The following CTBP2 variants were observed in gnomAD, a reference collection of about 807,000 sequenced individuals.
The protein encoded by CTBP2 is C-terminal binding protein 2.
In CTBP2, 30 loss-of-function variants were observed where a neutral mutation model predicts 80.3. The observed-to-expected ratio is 0.37, with a 90% CI of 0.28 to 0.51. The LOEUF (loss-of-function observed/expected upper bound fraction) is 0.51. Ranked by LOEUF, CTBP2 falls within the 20% of genes least tolerant of loss-of-function variation. The pLI is 0.93. For missense variants in CTBP2, 1,212 were observed against 1,375.3 expected, an observed-to-expected ratio of 0.88 and a Z score of 1.88; for synonymous variants, 594 against 587.4, an observed-to-expected ratio of 1.01 and a Z score of -0.16.
chr10:125,131,700 C>T (rs185596856), intron 1 of CTBP2, among the ~76,000 whole-genome samples: 3 of 152,188 alleles, frequency 2.0e-5, no homozygotes, highest in Non-Finnish European at 4.4e-5. Flanking sequence ...GAACATCAGG[C>T]TCATGTTCCT....
In CTBP2 at chr10:124,986,687, A is replaced by G. The variant is rs1303493692; in HGVS notation, c.*2831T>C. Reference sequence around the variant, plus strand: ...TTGCTTTCATTTTGGCCAATAAGTAATCAAGTTTGTAGAAAATGTTAGCAT... The same window carrying G: ...TTGCTTTCATTTTGGCCAATAAGTAGTCAAGTTTGTAGAAAATGTTAGCAT... On this transcript the variant is annotated 3_prime_UTR_variant, in exon 9 of 9. Transcript: ENST00000309035. 1.3e-5 allele frequency: 2 copies of G among 152,150 alleles called. No individual in the cohort carries two copies. Among genetic ancestry groups the G allele is most frequent in the African/African-American group, 2.4e-5 (1 of 41,420 alleles). 9.4% of individuals were successfully genotyped at this position (152,150 alleles called of 1,614,324 possible). A position where few individuals can be genotyped will look rare whatever the true frequency, so the allele number is the denominator to read the frequency against.
At chr10:125,107,029 A>G (rs988535593) in intron 2 of CTBP2, among the ~76,000 whole-genome samples, 1 of 152,214 alleles carries the variant, frequency 6.6e-6, no homozygotes, top group African/African-American at 2.4e-5. Context: ...CAAACACTGA[A>G]TCAATGCCTC....
At chr10:125,129,695 G>C (rs983867049) in intron 1 of CTBP2, among the ~76,000 whole-genome samples, 1 of 152,164 alleles carries the variant, frequency 6.6e-6, no homozygotes, top group African/African-American at 2.4e-5. Flanking sequence ...ACCTCAGCTG[G>C]GAACATTTTA....
chr10:124,998,211 A>C (rs770701982), intron 3 of CTBP2, 41 bp from the exon 6 acceptor site: 6 of 1,563,624 alleles, frequency 3.8e-6, no homozygotes, highest in Non-Finnish European at 5.2e-6. Flanking sequence ...AGAAAACCTC[A>C]AGATCAGTGG....
At chr10:125,046,395 A>G (rs7095721) in intron 2 of CTBP2, among the ~76,000 whole-genome samples, 42,571 of 151,792 alleles carry the variant, frequency 0.28, 6,316 homozygotes, top group Admixed American at 0.36. Flanking sequence ...AAAATTAGCC[A>G]GGCATGGTGG....
At chr10:124,997,305 A>AG (rs1953751724) in intron 4 of CTBP2, 1 of 152,380 alleles carries the variant, frequency 6.6e-6, no homozygotes, top group Middle Eastern at 3.2e-3. Flanking sequence ...CAATGGGCCG[A>AG]GGTCTCCTGG....
intron 2 of CTBP2, among the ~76,000 whole-genome samples, chr10:125,065,653 C>T (rs1564837035): frequency 6.6e-6 from 1 of 152,180 alleles, no homozygotes; most frequent in African/African-American, 2.4e-5. Context: ...AGGAGGGACT[C>T]ACTGTAGGAG....
At chr10:125,084,916 T>A (rs1847754551) in intron 2 of CTBP2, among the ~76,000 whole-genome samples, 1 of 152,186 alleles carries the variant, frequency 6.6e-6, no homozygotes, top group African/African-American at 2.4e-5. Context: ...AGTTCCGCCG[T>A]CGCCACGTCA....
chr10:125,120,185 G>A (rs542061579), intron 1 of CTBP2, among the ~76,000 whole-genome samples: 64 of 152,302 alleles, frequency 4.2e-4, no homozygotes, highest in African/African-American at 1.4e-3. Flanking sequence ...CACAGCCAAA[G>A]CCTTGTCAGG....
chr10:124,994,519 T>G lies in CTBP2; in HGVS notation c.2350A>C (p.Asn784His). 6.2e-7 allele frequency: 1 copy of G among 1,614,030 alleles called. No individual in the cohort carries two copies. The highest frequency in any genetic ancestry group is 8.5e-7 in the Non-Finnish European group (1 of 1,179,878). Residue 784 changes from asparagine to histidine, a missense_variant, in exon 5 of 9, where the codon AAT (asparagine) becomes CAT (histidine). Coordinates refer to ENST00000309035, the MANE Select transcript of CTBP2 (RefSeq NM_022802.3). ...AGGTGGTGGTTATGTTCGTTGAGATTGCAGTGCAAGGAGACGCAGTCGCTC... is the reference window on the plus strand; with the variant it reads ...AGGTGGTGGTTATGTTCGTTGAGATGGCAGTGCAAGGAGACGCAGTCGCTC...
intron 1 of CTBP2, among the ~76,000 whole-genome samples, chr10:125,153,092 C>T (rs1279816534): frequency 6.6e-6 from 1 of 152,194 alleles, no homozygotes; most frequent in African/African-American, 2.4e-5. Flanking sequence ...CCATCTGGCC[C>T]GGCAGCTCCA....
At chr10:125,039,706 G>A (rs1160988075) in intron 2 of CTBP2, among the ~76,000 whole-genome samples, 1 of 152,178 alleles carries the variant, frequency 6.6e-6, no homozygotes, top group Non-Finnish European at 1.5e-5. Context: ...AACGCGGGTG[G>A]GAAGCCCCAG....
At chr10:125,003,574 C>T (rs1243435233) in intron 1 of CTBP2, 82 bp from the exon 4 acceptor site, 3 of 1,190,798 alleles carry the variant, frequency 2.5e-6, no homozygotes, top group Non-Finnish European at 3.5e-6. Flanking sequence ...CCACTCATCA[C>T]TCAGGGCAGG....
At chr10:125,101,056 C>T (rs1850542451) in intron 2 of CTBP2, among the ~76,000 whole-genome samples, 1 of 152,200 alleles carries the variant, frequency 6.6e-6, no homozygotes, top group South Asian at 2.1e-4. Flanking sequence ...ATTACACGAT[C>T]CAGGGATCTT....
intron 1 of CTBP2, among the ~76,000 whole-genome samples, chr10:125,117,390 C>T (rs562071982): frequency 2.0e-5 from 3 of 152,256 alleles, no homozygotes; most frequent in Middle Eastern, 3.4e-3. Flanking sequence ...GTGGGGTACA[C>T]GTGTGACCCA....
At chr10:125,089,381 C>T (rs958793976) in intron 2 of CTBP2, among the ~76,000 whole-genome samples, 14 of 152,154 alleles carry the variant, frequency 9.2e-5, no homozygotes, top group African/African-American at 3.1e-4. Context: ...GTGAAAGAGC[C>T]GACCAAACTG....
Position 124,989,279 on chromosome 10 carries a change from T to C in CTBP2, c.*239A>G. ...GTGATTTGATGCACAGATGAAAAAC[T>C]TAACACACAATAACAGAAGTTGGTC... On this transcript the variant is annotated 3_prime_UTR_variant, in exon 9 of 9. Coordinates refer to ENST00000309035, the MANE Select transcript of CTBP2 (RefSeq NM_022802.3). The C allele has an allele frequency of 1.8e-6, 1 of 542,360 alleles. No homozygotes were observed. The highest frequency in any genetic ancestry group is 2.0e-5 in the South Asian group (1 of 49,250). 33.6% of individuals were successfully genotyped at this position (542,360 alleles called of 1,614,324 possible).
At chr10:124,998,465 G>A (rs1953968959) in intron 3 of CTBP2, 3 of 443,412 alleles carry the variant, frequency 6.8e-6, no homozygotes, top group Non-Finnish European at 1.2e-5. Context: ...GCTTCCTCCT[G>A]GGCTTGCACT....
intron 1 of CTBP2, chr10:125,006,105 G>A (rs1016555329): frequency 3.1e-5 from 30 of 954,942 alleles, no homozygotes; most frequent in Middle Eastern, 3.9e-4. Context: ...TCCCCGACAC[G>A]GGTTGCCTTT....
Sources: gnomAD v4.1 joint callset for allele counts (sites outside exome capture counted in the v4.1 genomes callset) on GRCh38, gnomAD v4.1.1 for gene constraint, MANE v1.5 for transcripts, NCBI Gene and HGNC (gene_info 2026-07-23, HGNC 2026-07-21) for gene names.